The following GPC6 variants were observed in gnomAD, a reference collection of about 807,000 sequenced individuals.
The protein encoded by GPC6 is glypican-6.
Under a neutral mutation model 55.2 loss-of-function variants are expected in GPC6, and 14 were observed. The observed-to-expected ratio is 0.25, with a 90% CI of 0.17 to 0.40. The LOEUF is 0.40. GPC6 is among the 10% of genes least tolerant of loss of function. The pLI, the probability that GPC6 is intolerant of heterozygous loss-of-function variation, is 1.00. For missense variants in GPC6, 641 were observed against 708.5 expected (o/e 0.90, Z 1.08); for synonymous variants, 278 against 259.6 (o/e 1.07, Z -0.68).
intron 3 of GPC6, among the ~76,000 whole-genome samples, chr13:93,966,822 T>G (rs1880068108): frequency 6.6e-6 from 1 of 151,984 alleles, no homozygotes; most frequent in South Asian, 2.1e-4. Context: ...GGCTAATTTT[T>G]TAAAAATATT....
chr13:93,643,550 G>C (rs938977742), intron 2 of GPC6, among the ~76,000 whole-genome samples: 1 of 152,050 alleles, frequency 6.6e-6, no homozygotes, highest in African/African-American at 2.4e-5. Context: ...GAAAGTAAGA[G>C]CTATTTTAAG....
intron 1 of GPC6, among the ~76,000 whole-genome samples, chr13:93,531,445 C>G (rs1881864786): frequency 6.6e-6 from 1 of 152,080 alleles, no homozygotes; most frequent in Non-Finnish European, 1.5e-5. Context: ...AGTTTCTTCT[C>G]CAGGATGCCT....
chr13:93,256,772 A>C (rs1222638791), intron 1 of GPC6, among the ~76,000 whole-genome samples: 1 of 152,178 alleles, frequency 6.6e-6, no homozygotes, highest in East Asian at 1.9e-4. Flanking sequence ...TTTATGGAGC[A>C]CATGAACTTG....
chr13:94,234,472 T>C (rs1594083428), intron 4 of GPC6, among the ~76,000 whole-genome samples: 1 of 150,610 alleles, frequency 6.6e-6, no homozygotes, highest in East Asian at 2.0e-4. Context: ...TGAAAATATG[T>C]CTCTGTTGAA....
chr13:94,382,363 G>T, intron 6 of GPC6, 51 bp from the exon 7 acceptor site: 1 of 1,604,814 alleles, frequency 6.2e-7, no homozygotes, highest in Non-Finnish European at 8.5e-7. Flanking sequence ...GTGTAGAAAT[G>T]GGGAAAGCCT....
chr13:93,671,613 G>T (rs930998708), intron 2 of GPC6, among the ~76,000 whole-genome samples: 30 of 151,260 alleles, frequency 2.0e-4, no homozygotes, highest in Admixed American at 3.3e-4. Context: ...TTTTTTAGGG[G>T]TTTTTTTTGG....
intron 2 of GPC6, among the ~76,000 whole-genome samples, chr13:93,746,090 A>G (rs1170381663): frequency 6.6e-6 from 1 of 152,228 alleles, no homozygotes; most frequent in East Asian, 1.9e-4. Flanking sequence ...CGCTTAGTCT[A>G]ATGATGAGTC....
At chr13:93,482,728 T>C (rs1879565381) in intron 1 of GPC6, among the ~76,000 whole-genome samples, 1 of 152,126 alleles carries the variant, frequency 6.6e-6, no homozygotes, top group Non-Finnish European at 1.5e-5. Context: ...GGGATTCATA[T>C]ATTTTGTATT....
chr13:93,785,651 T>C (rs1211737987), intron 2 of GPC6, among the ~76,000 whole-genome samples: 2 of 152,076 alleles, frequency 1.3e-5, no homozygotes, highest in African/African-American at 4.8e-5. Flanking sequence ...CACTAGACAT[T>C]TGTTAATTTA....
At chr13:94,143,982 T>C (rs1403068309) in intron 4 of GPC6, among the ~76,000 whole-genome samples, 1 of 152,218 alleles carries the variant, frequency 6.6e-6, no homozygotes, top group Non-Finnish European at 1.5e-5. Context: ...ACATTATAGC[T>C]TTATAGGCGC....
chr13:93,417,220 G>A, intron 1 of GPC6, among the ~76,000 whole-genome samples: 1 of 152,132 alleles, frequency 6.6e-6, no homozygotes, highest in East Asian at 1.9e-4. Flanking sequence ...TTCACTTTCA[G>A]TGGATTTCAC....
At chr13:93,920,035 A>G (rs1444942723) in intron 3 of GPC6, among the ~76,000 whole-genome samples, 1 of 152,048 alleles carries the variant, frequency 6.6e-6, no homozygotes, top group Non-Finnish European at 1.5e-5. Flanking sequence ...CTCTCCCATA[A>G]TAATCTACAG....
intron 2 of GPC6, among the ~76,000 whole-genome samples, chr13:93,700,633 A>G (rs1450072623): frequency 1.3e-5 from 2 of 152,128 alleles, no homozygotes; most frequent in African/African-American, 4.8e-5. Flanking sequence ...AGTAAGACTG[A>G]GTAAGGTTTG....
At position 94,362,530 on chromosome 13, in the gene GPC6, G is replaced by T. The variant is rs190601650; in HGVS notation, c.1153-19884G>T. On this transcript the variant is annotated intron_variant, in intron 6 of 8. Transcript: ENST00000377047. ...AACAATCTACAGTTTTATTCTCGGG[G>T]ATAAGACTGGTAAGGGGGTGAAAGG... Among the ~76,000 whole-genome samples, 9 of 152,208 alleles carry T rather than the reference G, an allele frequency of 5.9e-5. No individual in the cohort carries two copies. The East Asian group carries it at 1.4e-3, about 23-fold the overall frequency.
At chr13:93,380,479 A>C (rs564232021) in intron 1 of GPC6, among the ~76,000 whole-genome samples, 1 of 152,186 alleles carries the variant, frequency 6.6e-6, no homozygotes, top group African/African-American at 2.4e-5. Context: ...TTCCTCATTA[A>C]ATTGTTCTTC....
At chr13:94,263,290 A>C (rs1414960482) in intron 4 of GPC6, among the ~76,000 whole-genome samples, 1 of 152,218 alleles carries the variant, frequency 6.6e-6, no homozygotes, top group African/African-American at 2.4e-5. Context: ...TATGACTTCC[A>C]TTTGCAGATG....
chr13:93,709,657 G>A (rs1194883535), intron 2 of GPC6, among the ~76,000 whole-genome samples: 1 of 151,778 alleles, frequency 6.6e-6, no homozygotes, highest in Non-Finnish European at 1.5e-5. Context: ...TTCAGAAAGA[G>A]ATTTGGATTC....
intron 1 of GPC6, among the ~76,000 whole-genome samples, chr13:93,366,016 A>G (rs1881234092): frequency 6.6e-6 from 1 of 152,130 alleles, no homozygotes; most frequent in Admixed American, 6.6e-5. Context: ...GTTTGGTAAC[A>G]AGCATCAAAA....
intron 1 of GPC6, among the ~76,000 whole-genome samples, chr13:93,356,922 C>A (rs1229537889): frequency 6.6e-6 from 1 of 152,174 alleles, no homozygotes. Context: ...TGCATGAGAT[C>A]ATGGGTCACC....
Sources: gnomAD v4.1 joint callset for allele counts (sites outside exome capture counted in the v4.1 genomes callset) on GRCh38, gnomAD v4.1.1 for gene constraint, MANE v1.5 for transcripts, NCBI Gene and HGNC (gene_info 2026-07-23, HGNC 2026-07-21) for gene names.